Variants in HS3ST5 observed in about 807,000 individuals in gnomAD.
HS3ST5 encodes heparan sulfate-glucosamine 3-sulfotransferase 5.
Under a neutral mutation model 25.4 loss-of-function variants are expected in HS3ST5, and 10 were observed. The ratio of observed to expected loss-of-function variants is 0.39; its 90% confidence interval spans 0.24 to 0.67. The LOEUF is 0.67. Ranked by LOEUF, HS3ST5 falls within the 30% of genes least tolerant of loss-of-function variation. The pLI is 0.44. For missense variants in HS3ST5, 324 were observed against 420.7 expected, an observed-to-expected ratio of 0.77 and a Z score of 2.01; for synonymous variants, 170 against 162.4, an observed-to-expected ratio of 1.05 and a Z score of -0.36.
intron 3 of HS3ST5, among the ~76,000 whole-genome samples, chr6:114,117,425 C>T (rs902568717): frequency 1.3e-5 from 2 of 152,128 alleles, no homozygotes; most frequent in African/African-American, 4.8e-5. Context: ...CATTGGGCAA[C>T]ATATGGAATC....
intron 3 of HS3ST5, among the ~76,000 whole-genome samples, chr6:114,095,294 C>T (rs1029582716): frequency 2.0e-5 from 3 of 152,158 alleles, no homozygotes; most frequent in African/African-American, 7.2e-5. Context: ...CTTCCTGTCC[C>T]TTATGCCCAA....
chr6:114,188,417 C>T (rs1240788204), intron 2 of HS3ST5, among the ~76,000 whole-genome samples: 1 of 152,154 alleles, frequency 6.6e-6, no homozygotes, highest in Admixed American at 6.5e-5. Flanking sequence ...AACTCCCAGA[C>T]AACTAAGTCT....
At chr6:114,120,131 C>T (rs547303562) in intron 3 of HS3ST5, among the ~76,000 whole-genome samples, 4 of 151,876 alleles carry the variant, frequency 2.6e-5, no homozygotes, top group East Asian at 1.9e-4. Flanking sequence ...GGTGATAGAG[C>T]GAGATGCTGT....
intron 1 of HS3ST5, among the ~76,000 whole-genome samples, chr6:114,294,796 T>A (rs9374452): frequency 1 from 152,207 of 152,342 alleles, 76,037 homozygotes; most frequent in Middle Eastern, 1. Context: ...ATCACTGATT[T>A]TGTTTCACTA....
chr6:114,122,069 CCT>C (rs1485077255), intron 3 of HS3ST5, among the ~76,000 whole-genome samples: 1 of 152,176 alleles, frequency 6.6e-6, no homozygotes, highest in East Asian at 1.9e-4. Flanking sequence ...GACATCACCC[CCT>C]GTCCCTGGGG....
At chr6:114,264,958 C>A (rs935752724) in intron 1 of HS3ST5, among the ~76,000 whole-genome samples, 2 of 152,180 alleles carry the variant, frequency 1.3e-5, no homozygotes, top group Non-Finnish European at 2.9e-5. Flanking sequence ...TAGCTCACTG[C>A]AGCTTTGAAC....
At chr6:114,088,754 G>A (rs57486980) in intron 3 of HS3ST5, among the ~76,000 whole-genome samples, 2,119 of 152,220 alleles carry the variant, frequency 0.014, 49 homozygotes, top group African/African-American at 0.049. Context: ...ACATATTCAT[G>A]TATGTAAATA....
At position 114,058,087 on chromosome 6, in the gene HS3ST5, ACTC is replaced by A; in HGVS notation, c.208_210del (p.Glu70del). 1.2e-6 allele frequency: 2 copies of A among 1,614,104 alleles called. No homozygotes were observed. The highest frequency in any genetic ancestry group is 1.7e-6 in the Non-Finnish European group (2 of 1,180,006). On this transcript the variant is annotated inframe_deletion, in exon 5 of 5. Transcript: ENST00000312719. ...TCCTTGGAAGCGTTGCCCTTCCGGA[ACTC>A]GTGCAGCAGGCCACGCTTAAACTGC...
chr6:114,067,764 A>C (rs1773543574), intron 3 of HS3ST5, among the ~76,000 whole-genome samples: 1 of 152,170 alleles, frequency 6.6e-6, no homozygotes, highest in Non-Finnish European at 1.5e-5. Flanking sequence ...TGTGACACTG[A>C]GAAAAACTAA....
At chr6:114,173,920 A>G (rs1483545846) in intron 2 of HS3ST5, among the ~76,000 whole-genome samples, 1 of 152,000 alleles carries the variant, frequency 6.6e-6, no homozygotes, top group Non-Finnish European at 1.5e-5. Flanking sequence ...ACAAAATCAA[A>G]TGCTTTGTTT....
rs143493988 is a variant in HS3ST5, at chr6:114,056,132, G to A, written c.*1125C>T. On this transcript the variant is annotated 3_prime_UTR_variant, in exon 5 of 5. Transcript: ENST00000312719. The stretch of plus-strand genomic sequence containing the variant: ...TGATTAGAGGTTCAAATAAAATGGT[G>A]ATTCTTCTATGCCTTGATTCTGTTA... 15 of 152,150 alleles carry A rather than the reference G, an allele frequency of 9.9e-5. No individual in the cohort carries two copies. Among genetic ancestry groups the A allele is most frequent in the African/African-American group, 3.6e-4 (15 of 41,430 alleles). The allele number at this position is 152,150 out of a possible 1,614,324, so 9.4% of individuals were successfully genotyped here. A position where few individuals can be genotyped will look rare whatever the true frequency, so the allele number is the denominator to read the frequency against.
intron 1 of HS3ST5, among the ~76,000 whole-genome samples, chr6:114,240,800 C>G (rs1393274986): frequency 6.6e-6 from 1 of 152,066 alleles, no homozygotes; most frequent in Non-Finnish European, 1.5e-5. Context: ...TACCATATCA[C>G]CCCAAAACTA....
chr6:114,084,833 CTTTTTTT>C (rs372362974), intron 3 of HS3ST5: 2 of 503,784 alleles, frequency 4.0e-6, no homozygotes, highest in Non-Finnish European at 7.1e-6. Flanking sequence ...CTTTTCTTTT[CTTTTTTT>C]TTTTTTTTTT....
rs551328610 is a variant in HS3ST5, at chr6:114,093,239, G to C, written c.-32-30362C>G. 1.7e-4 allele frequency among the ~76,000 whole-genome samples: 26 copies of C among 152,228 alleles called. No individual in the cohort carries two copies. In the East Asian group the frequency reaches 4.8e-3, roughly 28 times the overall value. On this transcript the variant is annotated intron_variant, in intron 3 of 4. Transcript: ENST00000312719. ...TGTTAAAGAACCTGGCTTTCAGGAT[G>C]AATGTGGCCTCTCTAATCAAGCTGC...
intron 3 of HS3ST5, among the ~76,000 whole-genome samples, chr6:114,102,298 T>A (rs903774456): frequency 3.1e-4 from 47 of 152,334 alleles, no homozygotes; most frequent in Admixed American, 1.8e-3. Context: ...TTGCACATAG[T>A]TCTTTCTACC....
At chr6:114,226,947 T>G (rs17193469) in intron 2 of HS3ST5, among the ~76,000 whole-genome samples, 14,917 of 151,932 alleles carry the variant, frequency 0.098, 829 homozygotes, top group Middle Eastern at 0.13. Flanking sequence ...AATTGAAATA[T>G]TGCAGATGAT....
rs564026781 is a variant in HS3ST5, at chr6:114,208,045, A to G, written c.-145+20540T>C. ...CTCACAAAAGTAGGGATCACTAAAT[A>G]CTTCACGGTTAACCAAATAATTCAT... On this transcript the variant is annotated intron_variant, in intron 2 of 4. Transcript: ENST00000312719. Among the ~76,000 whole-genome samples the G allele has an allele frequency of 2.6e-5, 4 of 152,300 alleles. No individual in the cohort carries two copies. In the East Asian group the frequency reaches 7.7e-4, roughly 29 times the overall value.
At chr6:114,308,751 C>T (rs1448701663) in intron 1 of HS3ST5, among the ~76,000 whole-genome samples, 3 of 152,118 alleles carry the variant, frequency 2.0e-5, no homozygotes, top group Non-Finnish European at 4.4e-5. Context: ...AGGTGAAAAC[C>T]AGACCAGGTA....
rs1452631991 is a variant in HS3ST5 at position 114,190,395 on chromosome 6, T to A, written c.-144-21933A>T. Among the ~76,000 whole-genome samples, 6 of 152,198 alleles carry A rather than the reference T, an allele frequency of 3.9e-5. No individual in the cohort carries two copies. The East Asian group carries it at 1.2e-3, about 29-fold the overall frequency. On this transcript the variant is annotated intron_variant, in intron 2 of 4. Transcript: ENST00000312719. ...ATTCTGGGGTTTCCAAAAATTCATT[T>A]CCATGATTACATCTGCTTTCCAGCT...
Sources: gnomAD v4.1 joint callset for allele counts (sites outside exome capture counted in the v4.1 genomes callset) on GRCh38, gnomAD v4.1.1 for gene constraint, MANE v1.5 for transcripts, NCBI Gene and HGNC (gene_info 2026-07-23, HGNC 2026-07-21) for gene names.